PLCB4: variants seen among roughly 807,000 people sequenced by gnomAD.
The protein encoded by PLCB4 is 1-phosphatidylinositol 4,5-bisphosphate phosphodiesterase beta-4.
PLCB4 carries 77 observed loss-of-function variants against 178.8 expected under a neutral mutation model. The observed-to-expected ratio is 0.43, with a 90% CI of 0.36 to 0.52. PLCB4 has a LOEUF of 0.52. Among genes scored for constraint, PLCB4 ranks in the 20% least tolerant of loss-of-function variants. The pLI is 0.00. For missense variants in PLCB4, 1,024 were observed against 1,453.4 expected, an observed-to-expected ratio of 0.70 and a Z score of 4.80; for synonymous variants, 496 against 490.8, an observed-to-expected ratio of 1.01 and a Z score of -0.14.
At chr20:9,244,404 A>G (rs1010331089) in intron 3 of PLCB4, among the ~76,000 whole-genome samples, 2 of 152,230 alleles carry the variant, frequency 1.3e-5, no homozygotes, top group Non-Finnish European at 2.9e-5. Context: ...GAAAAATATT[A>G]ATCTGATGAC....
intron 2 of PLCB4, among the ~76,000 whole-genome samples, chr20:9,181,581 G>A (rs551449799): frequency 2.0e-5 from 3 of 152,192 alleles, no homozygotes; most frequent in African/African-American, 7.2e-5. Flanking sequence ...GTTTGTAGAT[G>A]GTCTTGTCAT....
chr20:9,209,857 G>A lies in PLCB4; in HGVS notation c.-78-7533G>A, dbSNP rs182593951. ...CGGGCGCCTGTAGTCCCAGTTACTCGGGAAGCTGAGGCAGGAGAATGGCGT... is the reference window on the plus strand; with the variant it reads ...CGGGCGCCTGTAGTCCCAGTTACTCAGGAAGCTGAGGCAGGAGAATGGCGT... On this transcript the variant is annotated intron_variant, in intron 2 of 39. Coordinates refer to ENST00000378473, the MANE Select transcript of PLCB4 (RefSeq NM_001377142.1). 4.2e-3 allele frequency among the ~76,000 whole-genome samples: 632 copies of A among 151,408 alleles called. 4 individuals are homozygous for A. Among genetic ancestry groups the A allele is most frequent in the African/African-American group, 0.014 (562 of 41,194 alleles).
intron 2 of PLCB4, among the ~76,000 whole-genome samples, chr20:9,104,670 C>T (rs1049435617): frequency 3.3e-5 from 5 of 152,064 alleles, no homozygotes; most frequent in East Asian, 1.9e-4. Flanking sequence ...GTATACCCTG[C>T]GTTTTAGCCC....
intron 2 of PLCB4, among the ~76,000 whole-genome samples, chr20:9,140,717 C>G (rs563558333): frequency 6.6e-6 from 1 of 151,854 alleles, no homozygotes; most frequent in African/African-American, 2.4e-5. Context: ...TGCCTGCTCC[C>G]CCTTCGCCTT....
Position 9,275,506 on chromosome 20 carries a change from A to G in PLCB4, c.-15-32294A>G, listed in dbSNP as rs141711294. On this transcript the variant is annotated intron_variant, in intron 3 of 39. Transcript: ENST00000378473. ...TGGGACGCTATTATTGCACAAGGTCATGTGGCTGTTAAATGGTAGAGCCAG... is the reference window on the plus strand; with the variant it reads ...TGGGACGCTATTATTGCACAAGGTCGTGTGGCTGTTAAATGGTAGAGCCAG... 3.4e-3 allele frequency among the ~76,000 whole-genome samples: 525 copies of G among 152,190 alleles called. 2 individuals carry two copies. The highest frequency in any genetic ancestry group is 0.01 in the Middle Eastern group (3 of 294).
chr20:9,311,102 A>C (rs142774800), intron 4 of PLCB4, among the ~76,000 whole-genome samples: 1 of 152,200 alleles, frequency 6.6e-6, no homozygotes, highest in Non-Finnish European at 1.5e-5. Flanking sequence ...TGCAACCCAG[A>C]TATCTCTAAC....
intron 1 of PLCB4, among the ~76,000 whole-genome samples, chr20:9,093,378 C>G (rs1489563507): frequency 6.6e-6 from 1 of 152,146 alleles, no homozygotes; most frequent in Non-Finnish European, 1.5e-5. Flanking sequence ...TGGAAGCCTG[C>G]CTCCTGAGGC....
At chr20:9,171,362 A>G (rs757283657) in intron 2 of PLCB4, among the ~76,000 whole-genome samples, 3 of 152,168 alleles carry the variant, frequency 2.0e-5, no homozygotes, top group African/African-American at 7.2e-5. Context: ...ATATTCCAGT[A>G]GTTTCAAAAA....
At chr20:9,299,531 G>A (rs1413493842) in intron 3 of PLCB4, among the ~76,000 whole-genome samples, 1 of 151,654 alleles carries the variant, frequency 6.6e-6, no homozygotes, top group African/African-American at 2.4e-5. Flanking sequence ...TATAGCCTGT[G>A]GTTATTTTTT....
At chr20:9,433,935 A>G (rs1219579523) in intron 28 of PLCB4, among the ~76,000 whole-genome samples, 1 of 152,216 alleles carries the variant, frequency 6.6e-6, no homozygotes, top group Non-Finnish European at 1.5e-5. Context: ...AATAACTACC[A>G]TAGGACAAAT....
At chr20:9,088,233 G>T (rs1212734870) in intron 1 of PLCB4, among the ~76,000 whole-genome samples, 1 of 149,924 alleles carries the variant, frequency 6.7e-6, no homozygotes, top group African/African-American at 2.5e-5. Context: ...GAAGGAAAGG[G>T]ATCTGTTGAA....
At chr20:9,221,597 G>C (rs2093799520) in intron 3 of PLCB4, among the ~76,000 whole-genome samples, 1 of 152,126 alleles carries the variant, frequency 6.6e-6, no homozygotes, top group Non-Finnish European at 1.5e-5. Context: ...AGCACTTTCA[G>C]AGGCTGCATA....
Position 9,433,875 on chromosome 20 carries a change from C to G in PLCB4, c.2525-1685C>G, listed in dbSNP as rs111495068. On this transcript the variant is annotated intron_variant, in intron 28 of 39. Transcript: ENST00000378473. The stretch of plus-strand genomic sequence containing the variant: ...TGATAAAAACAGACCTTCTCACATG[C>G]CACTGGTGGGAGAATAAATTGATGC... Among the ~76,000 whole-genome samples the G allele has an allele frequency of 6.2e-3, 949 of 152,210 alleles. 13 individuals carry two copies. Among genetic ancestry groups the G allele is most frequent in the African/African-American group, 0.022 (896 of 41,530 alleles).
At chr20:9,304,608 C>G (rs1378640868) in intron 3 of PLCB4, among the ~76,000 whole-genome samples, 1 of 151,998 alleles carries the variant, frequency 6.6e-6, no homozygotes, top group Non-Finnish European at 1.5e-5. Flanking sequence ...TCTTCTTATT[C>G]TGTTATTCTG....
At chr20:9,390,754 A>G (rs1022495854) in intron 17 of PLCB4, 139 bp downstream of exon 17, 10 of 536,512 alleles carry the variant, frequency 1.9e-5, no homozygotes, top group African/African-American at 1.7e-4. Context: ...AGCTTACATC[A>G]TGCTTCAGAG....
intron 4 of PLCB4, among the ~76,000 whole-genome samples, chr20:9,311,426 T>G (rs2094832220): frequency 6.6e-6 from 1 of 152,150 alleles, no homozygotes; most frequent in Non-Finnish European, 1.5e-5. Flanking sequence ...CAAGACAACT[T>G]TAAGATTAAA....
intron 2 of PLCB4, among the ~76,000 whole-genome samples, chr20:9,178,165 A>G (rs944083051): frequency 6.6e-6 from 1 of 152,128 alleles, no homozygotes; most frequent in Non-Finnish European, 1.5e-5. Flanking sequence ...CTAAAAATAC[A>G]AAAGCATTAG....
chr20:9,251,898 A>G (rs1168952518), intron 3 of PLCB4, among the ~76,000 whole-genome samples: 1 of 152,202 alleles, frequency 6.6e-6, no homozygotes, highest in African/African-American at 2.4e-5. Flanking sequence ...ATATATTCAT[A>G]CTATTATCAT....
chr20:9,221,591 C>T (rs1029435934), intron 3 of PLCB4, among the ~76,000 whole-genome samples: 3 of 152,162 alleles, frequency 2.0e-5, no homozygotes, highest in Non-Finnish European at 2.9e-5. Flanking sequence ...AGGTTAAGCA[C>T]TTTCAGAGGC....
Sources: gnomAD v4.1 joint callset for allele counts (sites outside exome capture counted in the v4.1 genomes callset) on GRCh38, gnomAD v4.1.1 for gene constraint, MANE v1.5 for transcripts, NCBI Gene and HGNC (gene_info 2026-07-23, HGNC 2026-07-21) for gene names.